The following MTUS2 variants were observed in gnomAD, a reference collection of about 807,000 sequenced individuals.
MTUS2 encodes microtubule associated scaffold protein 2, also known as microtubule-associated tumor suppressor candidate 2.
MTUS2 carries 40 observed loss-of-function variants against 114.1 expected under a neutral mutation model. That is an observed-to-expected ratio of 0.35 (90% CI 0.27 to 0.46). The LOEUF (loss-of-function observed/expected upper bound fraction) is 0.46, where lower values mean the gene tolerates loss of function less well. MTUS2 is among the 20% of genes least tolerant of loss of function. The probability of loss-of-function intolerance (pLI) is 1.00; values close to 1 mark genes in which losing one functional copy is unlikely to be tolerated. For missense variants in MTUS2, 1,679 were observed against 1,705.4 expected, an observed-to-expected ratio of 0.98 and a Z score of 0.27; for synonymous variants, 688 against 672.0, an observed-to-expected ratio of 1.02 and a Z score of -0.37.
At chr13:29,063,153 G>A (rs766230732) in intron 4 of MTUS2, among the ~76,000 whole-genome samples, 8 of 152,164 alleles carry the variant, frequency 5.3e-5, no homozygotes, top group Middle Eastern at 3.4e-3. Context: ...AAGTAAAAAG[G>A]CAGTACTTTT....
At chr13:28,855,931 A>G (rs1161912094) in intron 2 of MTUS2, among the ~76,000 whole-genome samples, 1 of 152,176 alleles carries the variant, frequency 6.6e-6, no homozygotes, top group African/African-American at 2.4e-5. Flanking sequence ...CCCTGCCAGT[A>G]TCTGTTGTTT....
intron 6 of MTUS2, among the ~76,000 whole-genome samples, chr13:29,317,436 T>C (rs200436754): frequency 3.6e-4 from 4 of 11,094 alleles, no homozygotes; most frequent in Non-Finnish European, 1.0e-3. Context: ...CTCTCTCTTT[T>C]TTTTTTTTTT....
At chr13:29,230,174 A>T (rs1266038521) in intron 5 of MTUS2, among the ~76,000 whole-genome samples, 5 of 152,214 alleles carry the variant, frequency 3.3e-5, no homozygotes, top group African/African-American at 1.2e-4. Context: ...TGAACCCAGG[A>T]GGCGGAGCTT....
chr13:28,967,617 G>A (rs1450265996), intron 2 of MTUS2, among the ~76,000 whole-genome samples: 1 of 152,166 alleles, frequency 6.6e-6, no homozygotes, highest in East Asian at 1.9e-4. Flanking sequence ...AGTACTGTCT[G>A]CTTGGGTCAT....
intron 2 of MTUS2, among the ~76,000 whole-genome samples, chr13:28,892,357 C>T (rs534552807): frequency 3.9e-5 from 6 of 152,200 alleles, no homozygotes; most frequent in African/African-American, 1.4e-4. Flanking sequence ...AAGCATTTGC[C>T]AGGCTGAGAA....
At chr13:29,111,708 G>C (rs1045978235) in intron 5 of MTUS2, among the ~76,000 whole-genome samples, 1 of 152,022 alleles carries the variant, frequency 6.6e-6, no homozygotes, top group Non-Finnish European at 1.5e-5. Context: ...TTCTGGGAAG[G>C]TTCGCAAAAA....
chr13:29,273,626 A>T (rs541396652), intron 5 of MTUS2, among the ~76,000 whole-genome samples: 1 of 152,328 alleles, frequency 6.6e-6, no homozygotes, highest in African/African-American at 2.4e-5. Flanking sequence ...TCACAAGGTT[A>T]TGCAATATCA....
chr13:29,372,275 C>A (rs1297901905), intron 8 of MTUS2, among the ~76,000 whole-genome samples: 1 of 151,622 alleles, frequency 6.6e-6, no homozygotes, highest in Non-Finnish European at 1.5e-5. Context: ...ACCAACAGAC[C>A]AAAATATCAA....
intron 5 of MTUS2, among the ~76,000 whole-genome samples, chr13:29,242,874 A>G (rs532099696): frequency 6.6e-6 from 1 of 152,064 alleles, no homozygotes; most frequent in Non-Finnish European, 1.5e-5. Context: ...ACCATTTGTC[A>G]TCTTTTATAG....
chr13:29,271,732 A>G (rs1897888891), intron 5 of MTUS2, among the ~76,000 whole-genome samples: 2 of 152,146 alleles, frequency 1.3e-5, no homozygotes, highest in Non-Finnish European at 2.9e-5. Flanking sequence ...TCTTTCCTGA[A>G]TTTCTGCAAA....
chr13:29,364,026 C>T (rs943111142), intron 8 of MTUS2, among the ~76,000 whole-genome samples: 23 of 152,242 alleles, frequency 1.5e-4, no homozygotes, highest in African/African-American at 5.3e-4. Flanking sequence ...ACAGGCCAGG[C>T]CACACCCAAC....
At chr13:29,386,799 T>C (rs1244533018) in intron 8 of MTUS2, among the ~76,000 whole-genome samples, 1 of 152,094 alleles carries the variant, frequency 6.6e-6, no homozygotes, top group Non-Finnish European at 1.5e-5. Context: ...ATTTTAGAGA[T>C]GGAAATGCAT....
intron 6 of MTUS2, among the ~76,000 whole-genome samples, chr13:29,318,158 C>A (rs1432441350): frequency 1.3e-5 from 2 of 151,974 alleles, no homozygotes; most frequent in African/African-American, 4.8e-5. Context: ...ATTTCTTTAT[C>A]CTTTCTGTTT....
chr13:29,378,711 A>G (rs974339759), intron 8 of MTUS2, among the ~76,000 whole-genome samples: 3 of 152,198 alleles, frequency 2.0e-5, no homozygotes, highest in African/African-American at 7.2e-5. Context: ...GGGAATCACA[A>G]GAGTTCAGCA....
intron 2 of MTUS2, among the ~76,000 whole-genome samples, chr13:28,914,055 C>G (rs1177114123): frequency 6.6e-6 from 1 of 151,938 alleles, no homozygotes; most frequent in Non-Finnish European, 1.5e-5. Context: ...AAATAACCAG[C>G]TCCTGGATTT....
At chr13:29,220,285 G>A (rs1357468158) in intron 5 of MTUS2, among the ~76,000 whole-genome samples, 1 of 152,176 alleles carries the variant, frequency 6.6e-6, no homozygotes, top group African/African-American at 2.4e-5. Context: ...ACAGGCATGA[G>A]CCACTGCACC....
At chr13:29,441,057 C>T (rs1399917699) in intron 9 of MTUS2, among the ~76,000 whole-genome samples, 2 of 152,168 alleles carry the variant, frequency 1.3e-5, no homozygotes. Flanking sequence ...CTGCAATGGT[C>T]TCTTCTCCTC....
chr13:29,352,811 T>G (rs1044509111), intron 7 of MTUS2, among the ~76,000 whole-genome samples: 4 of 152,210 alleles, frequency 2.6e-5, no homozygotes, highest in African/African-American at 9.7e-5. Context: ...GCTATGAAAA[T>G]TTGTGTCACT....
chr13:29,410,063 C>T (rs1875107423), intron 8 of MTUS2, among the ~76,000 whole-genome samples: 1 of 151,988 alleles, frequency 6.6e-6, no homozygotes, highest in African/African-American at 2.4e-5. Context: ...AGATTGCATT[C>T]ACACCAGCAA....
Sources: allele counts gnomAD v4.1 joint callset (sites outside exome capture counted in the v4.1 genomes callset), GRCh38; gene constraint gnomAD v4.1.1; transcripts MANE v1.5; gene names NCBI Gene and HGNC (gene_info 2026-07-23, HGNC 2026-07-21).